Variants in PARD3B observed in about 807,000 individuals in gnomAD.
The protein encoded by PARD3B is par-3 family cell polarity regulator beta.
In PARD3B, 103 loss-of-function variants were observed where a neutral mutation model predicts 130.2. The observed-to-expected ratio is 0.79, with a 90% confidence interval of 0.67 to 0.93. The LOEUF (loss-of-function observed/expected upper bound fraction) is 0.93, where lower values mean the gene tolerates loss of function less well. PARD3B is among the 40% of genes least tolerant of loss of function. PARD3B has a pLI of 0.00. For synonymous variants in PARD3B, 583 were observed against 553.2 expected, an observed-to-expected ratio of 1.05 and a Z score of -0.76; for missense variants, 1,609 against 1,499.2, an observed-to-expected ratio of 1.07 and a Z score of -1.21.
intron 2 of PARD3B, among the ~76,000 whole-genome samples, chr2:204,692,710 G>C (rs758286967): frequency 3.3e-5 from 5 of 152,018 alleles, no homozygotes; most frequent in Non-Finnish European, 5.9e-5. Context: ...CATAGAAGAA[G>C]TTTGGAGAAG....
intron 8 of PARD3B, among the ~76,000 whole-genome samples, chr2:205,123,464 A>G (rs890144860): frequency 7.2e-5 from 11 of 152,112 alleles, no homozygotes; most frequent in Non-Finnish European, 1.3e-4. Flanking sequence ...ATTGGAAGAT[A>G]TACTTGGATC....
chr2:204,810,318 G>A (rs1249646054), intron 2 of PARD3B, among the ~76,000 whole-genome samples: 1 of 152,024 alleles, frequency 6.6e-6, no homozygotes, highest in East Asian at 1.9e-4. Context: ...TTCTTGTCTT[G>A]TGCCTCTTTT....
At chr2:204,889,522 G>C (rs2046375887) in intron 2 of PARD3B, among the ~76,000 whole-genome samples, 1 of 152,110 alleles carries the variant, frequency 6.6e-6, no homozygotes, top group African/African-American at 2.4e-5. Flanking sequence ...ACAAAGTAGG[G>C]GGTCCTCTTT....
At chr2:204,602,698 G>T (rs1234595839) in intron 1 of PARD3B, among the ~76,000 whole-genome samples, 1 of 151,650 alleles carries the variant, frequency 6.6e-6, no homozygotes, top group Non-Finnish European at 1.5e-5. Flanking sequence ...TTGATTGTTG[G>T]TGGGGGTGGG....
intron 10 of PARD3B, among the ~76,000 whole-genome samples, chr2:205,133,729 C>T (rs1309272218): frequency 6.6e-6 from 1 of 152,114 alleles, no homozygotes; most frequent in African/African-American, 2.4e-5. Context: ...GGCAAAGGGC[C>T]AGTGCTGAGT....
At position 204,678,252 on chromosome 2, in the gene PARD3B, GC is replaced by G. The variant is rs2036649275; in HGVS notation, c.121-7926del. Among the ~76,000 whole-genome samples, 1 of 152,148 alleles carries G rather than the reference GC, an allele frequency of 6.6e-6. No individual in the cohort carries two copies. The highest frequency in any genetic ancestry group is 1.5e-5 in the Non-Finnish European group (1 of 68,020). On this transcript the variant is annotated intron_variant, in intron 1 of 22. Transcript: ENST00000406610. The surrounding 1 kb of genome is among the most constrained non-coding windows in gnomAD (Gnocchi z 4.2). ...TGGCAGGACCAAACCCAGTAACCGG[GC>G]CCGTGGTAGCAATCAGTGGTTGCCC...
intron 2 of PARD3B, among the ~76,000 whole-genome samples, chr2:204,802,883 A>T (rs1248664216): frequency 6.6e-6 from 1 of 151,998 alleles, no homozygotes; most frequent in Non-Finnish European, 1.5e-5. Context: ...AGAAATACCT[A>T]ATGTAGATGA....
At chr2:205,302,546 C>A (rs2105909634) in intron 18 of PARD3B, among the ~76,000 whole-genome samples, 1 of 152,248 alleles carries the variant, frequency 6.6e-6, no homozygotes, top group South Asian at 2.1e-4. Context: ...TCCTTTGTAC[C>A]AAAGTGTTAT....
At chr2:205,596,235 C>T (rs1179428693) in intron 22 of PARD3B, among the ~76,000 whole-genome samples, 1 of 152,202 alleles carries the variant, frequency 6.6e-6, no homozygotes, top group East Asian at 1.9e-4. Flanking sequence ...AAATTCACCA[C>T]AAGTCATCAA....
In PARD3B at chr2:205,450,411, A is replaced by G. The variant is rs1004142116; in HGVS notation, c.3044+9739A>G. ...CATCAGAAAGAAAAAGTAGAAACAG[A>G]AAAGCAAGTGAGGAGATGAAAGGCA... On this transcript the variant is annotated intron_variant, in intron 20 of 22. Transcript: ENST00000406610. 2.0e-5 allele frequency among the ~76,000 whole-genome samples: 3 copies of G among 151,812 alleles called. No homozygotes were observed. In the East Asian group the frequency reaches 5.8e-4, roughly 29 times the overall value.
At chr2:204,593,516 C>T (rs2033159746) in intron 1 of PARD3B, among the ~76,000 whole-genome samples, 2 of 152,204 alleles carry the variant, frequency 1.3e-5, no homozygotes, top group Admixed American at 1.3e-4. Flanking sequence ...GAATAGTTTG[C>T]AGGCTCTCAG....
At chr2:204,555,789 A>G (rs533148614) in intron 1 of PARD3B, among the ~76,000 whole-genome samples, 1 of 152,180 alleles carries the variant, frequency 6.6e-6, no homozygotes, top group East Asian at 1.9e-4. Flanking sequence ...TCTCTTCCTA[A>G]AATATTTTCT....
Position 204,689,589 on chromosome 2 carries a change from T to G in PARD3B, c.222+3307T>G, listed in dbSNP as rs2125250562. On this transcript the variant is annotated intron_variant, in intron 2 of 22. Coordinates refer to ENST00000406610, the MANE Select transcript of PARD3B (RefSeq NM_001302769.2). The surrounding 1 kb of genome is among the most constrained non-coding windows in gnomAD (Gnocchi z 5.2). Reference sequence around the variant, plus strand: ...TGGTTGCTAAAGGCTACCAACTTAGTTCACCCAATAGTAACAACCTAATCA... The same window carrying G: ...TGGTTGCTAAAGGCTACCAACTTAGGTCACCCAATAGTAACAACCTAATCA... 6.6e-6 allele frequency among the ~76,000 whole-genome samples: 1 copy of G among 152,270 alleles called. No individual in the cohort carries two copies.
chr2:205,301,339 A>T lies in PARD3B; in HGVS notation c.2393-125A>T. 1 of 1,477,008 alleles carries T rather than the reference A, an allele frequency of 6.8e-7. No homozygotes were observed. The highest frequency in any genetic ancestry group is 9.0e-7 in the Non-Finnish European group (1 of 1,106,196). The allele number at this position is 1,477,008 out of a possible 1,614,324, so 91.5% of individuals were successfully genotyped here. On this transcript the variant is annotated intron_variant, in intron 17 of 22. Transcript: ENST00000406610. The surrounding 1 kb of genome is among the most constrained non-coding windows in gnomAD (Gnocchi z 5.2). ...AGATCTTCAAAGGGCGCACGTAACC[A>T]CATAGAAGGGTAGAACTACAGAGTG... is the stretch of plus-strand genomic sequence containing the variant.
chr2:204,632,154 C>T (rs758166107), intron 1 of PARD3B, among the ~76,000 whole-genome samples: 4 of 152,092 alleles, frequency 2.6e-5, no homozygotes, highest in African/African-American at 7.2e-5. Context: ...GAAATCTAGT[C>T]ATTTTAAAGT....
chr2:204,786,203 G>A (rs904426192), intron 2 of PARD3B, among the ~76,000 whole-genome samples: 9 of 152,012 alleles, frequency 5.9e-5, no homozygotes, highest in African/African-American at 1.7e-4. Flanking sequence ...ATGAGGACGA[G>A]GTTATGCAGG....
chr2:204,899,044 G>T (rs1183664440), intron 2 of PARD3B, among the ~76,000 whole-genome samples: 1 of 126,522 alleles, frequency 7.9e-6, no homozygotes, highest in Non-Finnish European at 1.6e-5. Context: ...GTAGGCAACG[G>T]AATATTAGGT....
chr2:205,517,058 G>C (rs948757980), intron 21 of PARD3B, among the ~76,000 whole-genome samples: 2 of 152,098 alleles, frequency 1.3e-5, no homozygotes, highest in Non-Finnish European at 2.9e-5. Flanking sequence ...TTTATGTGAT[G>C]AATCACATTT....
chr2:205,174,098 G>A (rs2035329204), intron 12 of PARD3B, among the ~76,000 whole-genome samples: 2 of 152,190 alleles, frequency 1.3e-5, no homozygotes, highest in South Asian at 4.1e-4. Context: ...ACAGCAGATA[G>A]GCGTTATATA....
Sources: allele counts gnomAD v4.1 joint callset (sites outside exome capture counted in the v4.1 genomes callset), GRCh38; gene constraint gnomAD v4.1.1; non-coding constraint Gnocchi (gnomAD v3.1); transcripts MANE v1.5; gene names NCBI Gene and HGNC (gene_info 2026-07-23, HGNC 2026-07-21).